The following SWT1 variants were observed in gnomAD, a reference collection of about 807,000 sequenced individuals.
SWT1 encodes the protein SWT1 RNA endoribonuclease homolog.
Under a neutral mutation model 107.3 loss-of-function variants are expected in SWT1, and 33 were observed. The observed-to-expected ratio is 0.31, with a 90% CI of 0.23 to 0.41. The LOEUF (loss-of-function observed/expected upper bound fraction) is 0.41. SWT1 is among the 10% of genes least tolerant of loss of function. The pLI is 1.00. For missense variants in SWT1, 898 were observed against 1,028.9 expected (o/e 0.87, Z 1.74); for synonymous variants, 345 against 348.3 (o/e 0.99, Z 0.11).
chr1:185,157,197 T>G lies in SWT1; in HGVS notation c.-127T>G. On this transcript the variant is annotated 5_prime_UTR_variant, in exon 1 of 19. Transcript: ENST00000367500. ...GGTAGTGCGGATGCGGGCGCAGAAC[T>G]ACGTTTCCCAGCAGGCATACAGTTG... 6.3e-6 allele frequency: 1 copy of G among 158,636 alleles called. No individual in the cohort carries two copies. The highest frequency in any genetic ancestry group is 1.4e-5 in the Non-Finnish European group (1 of 71,244). 9.8% of individuals were successfully genotyped at this position (158,636 alleles called of 1,614,324 possible). A position where few individuals can be genotyped will look rare whatever the true frequency, so the allele number is the denominator to read the frequency against.
At chr1:185,236,316 C>A (rs1407490845) in intron 16 of SWT1, among the ~76,000 whole-genome samples, 1 of 152,146 alleles carries the variant, frequency 6.6e-6, no homozygotes, top group Non-Finnish European at 1.5e-5. Flanking sequence ...TGACTTCAAA[C>A]CATACTAGAA....
intron 16 of SWT1, among the ~76,000 whole-genome samples, chr1:185,249,423 T>C (rs1661849181): frequency 6.6e-6 from 1 of 152,094 alleles, no homozygotes; most frequent in Non-Finnish European, 1.5e-5. Context: ...TGCCTTCTGG[T>C]CACAGCAGTT....
At chr1:185,253,120 C>G (rs1662176190) in intron 16 of SWT1, among the ~76,000 whole-genome samples, 1 of 142,194 alleles carries the variant, frequency 7.0e-6, no homozygotes, top group African/African-American at 2.7e-5. Context: ...TCTGAGGGCT[C>G]TGTTCTGTTC....
chr1:185,186,751 T>C (rs1159961542), intron 9 of SWT1, among the ~76,000 whole-genome samples: 3 of 152,070 alleles, frequency 2.0e-5, no homozygotes, highest in Non-Finnish European at 4.4e-5. Flanking sequence ...TTCCAGATTT[T>C]TAATTACCTT....
rs1375183516 is a variant in SWT1 at position 185,215,165 on chromosome 1, A to G, written c.2121+510A>G. On this transcript the variant is annotated intron_variant, in intron 14 of 18. Coordinates refer to ENST00000367500, the MANE Select transcript of SWT1 (RefSeq NM_017673.7). Reference sequence around the variant, plus strand: ...ATTCCCATATATATTATTTACCCTGATTCTCCAAATGTTAATATTTTGTCA... The same window carrying G: ...ATTCCCATATATATTATTTACCCTGGTTCTCCAAATGTTAATATTTTGTCA... 2.0e-5 allele frequency among the ~76,000 whole-genome samples: 3 copies of G among 152,094 alleles called. No individual in the cohort carries two copies. The East Asian group carries it at 5.8e-4, about 29-fold the overall frequency.
At chr1:185,224,448 C>T (rs763545761) in intron 15 of SWT1, among the ~76,000 whole-genome samples, 23 of 151,718 alleles carry the variant, frequency 1.5e-4, no homozygotes, top group Non-Finnish European at 3.1e-4. Context: ...TCTTTTTGCT[C>T]AGGGATTGCT....
intron 7 of SWT1, among the ~76,000 whole-genome samples, chr1:185,182,798 T>C (rs1158789894): frequency 6.6e-6 from 1 of 152,090 alleles, no homozygotes; most frequent in Non-Finnish European, 1.5e-5. Flanking sequence ...TGATAGAGAT[T>C]ATCCAAAATC....
intron 6 of SWT1, among the ~76,000 whole-genome samples, chr1:185,180,819 A>G (rs146485684): frequency 1.9e-3 from 288 of 152,308 alleles, no homozygotes; most frequent in African/African-American, 6.6e-3. Context: ...TAAGATGAAA[A>G]CATTATTCAA....
At chr1:185,278,224 C>T (rs1664379641) in intron 18 of SWT1, among the ~76,000 whole-genome samples, 7 of 152,164 alleles carry the variant, frequency 4.6e-5, no homozygotes. Flanking sequence ...GAAATCTAAT[C>T]CCCAATATGA....
intron 16 of SWT1, among the ~76,000 whole-genome samples, chr1:185,246,675 G>C (rs1315685770): frequency 7.1e-6 from 1 of 140,362 alleles, no homozygotes; most frequent in Admixed American, 7.5e-5. Context: ...TGTCATCCAG[G>C]CTACGGTGCA....
chr1:185,287,400 A>G lies in SWT1; in HGVS notation c.2574-3274A>G, dbSNP rs1665010523. On this transcript the variant is annotated intron_variant, in intron 18 of 18. Coordinates refer to ENST00000367500, the MANE Select transcript of SWT1 (RefSeq NM_017673.7). ...CTCCAGTTTTGAGCTCTGTTCTCGA[A>G]AGGATCAGGAATTGGAATAATTCCT... 2.0e-5 allele frequency among the ~76,000 whole-genome samples: 3 copies of G among 152,214 alleles called. No homozygotes were observed. In the South Asian group the frequency reaches 6.2e-4, roughly 31 times the overall value.
chr1:185,253,473 T>C (rs995250536), intron 16 of SWT1, among the ~76,000 whole-genome samples: 48 of 151,426 alleles, frequency 3.2e-4, no homozygotes, highest in African/African-American at 1.1e-3. Flanking sequence ...CAGTGGTTTG[T>C]AGTTCTCCTT....
intron 14 of SWT1, among the ~76,000 whole-genome samples, chr1:185,219,348 A>G (rs907835418): frequency 2.6e-5 from 4 of 152,192 alleles, no homozygotes; most frequent in African/African-American, 9.6e-5. Context: ...CCATCATAGT[A>G]TCTGTTTCAT....
intron 16 of SWT1, among the ~76,000 whole-genome samples, chr1:185,250,594 G>A (rs1325880568): frequency 2.0e-5 from 3 of 152,066 alleles, no homozygotes; most frequent in Non-Finnish European, 2.9e-5. Flanking sequence ...TGGTTCAGTT[G>A]TGAATTTTCA....
At chr1:185,204,170 C>T (rs1316797430) in intron 11 of SWT1, among the ~76,000 whole-genome samples, 4 of 151,964 alleles carry the variant, frequency 2.6e-5, no homozygotes, top group Admixed American at 2.6e-4. Flanking sequence ...GCCAGCTACT[C>T]GGGGTGCTGA....
chr1:185,284,451 G>A (rs1380466656), intron 18 of SWT1, among the ~76,000 whole-genome samples: 1 of 152,220 alleles, frequency 6.6e-6, no homozygotes, highest in African/African-American at 2.4e-5. Context: ...CTAAGGAAAT[G>A]TTGACCTAAA....
Position 185,205,424 on chromosome 1 carries a change from A to G in SWT1, c.1833+561A>G, listed in dbSNP as rs551718545. Among the ~76,000 whole-genome samples, 26 of 152,284 alleles carry G rather than the reference A, an allele frequency of 1.7e-4. 1 individual carries two copies. The South Asian group carries it at 5.4e-3, about 32-fold the overall frequency. On this transcript the variant is annotated intron_variant, in intron 12 of 18. Coordinates refer to ENST00000367500, the MANE Select transcript of SWT1 (RefSeq NM_017673.7). ...GCTCTTGTTGTCCAGGCTTGAGTGC[A>G]ATGGCATGATCTTGGCTCACTGCAA... is the stretch of plus-strand genomic sequence containing the variant.
intron 16 of SWT1, among the ~76,000 whole-genome samples, chr1:185,235,823 T>G (rs1660831940): frequency 6.6e-6 from 1 of 152,106 alleles, no homozygotes; most frequent in South Asian, 2.1e-4. Context: ...CAGCCCAAAA[T>G]CTCCTTAAGC....
chr1:185,287,245 T>C (rs1431818683), intron 18 of SWT1, among the ~76,000 whole-genome samples: 1 of 152,196 alleles, frequency 6.6e-6, no homozygotes, highest in South Asian at 2.1e-4. Context: ...TTTTAAATTG[T>C]ATGATAAAAT....
Sources: allele counts gnomAD v4.1 joint callset (sites outside exome capture counted in the v4.1 genomes callset), GRCh38; gene constraint gnomAD v4.1.1; transcripts MANE v1.5; gene names NCBI Gene and HGNC (gene_info 2026-07-23, HGNC 2026-07-21).